ZFX: variants seen among roughly 807,000 people sequenced by gnomAD.
The protein encoded by ZFX is zinc finger protein X-linked, also known as zinc finger X-chromosomal protein.
For missense variants in ZFX, 362 were observed against 628.3 expected (o/e 0.58, Z 4.53); for synonymous variants, 196 against 226.8 (o/e 0.86, Z 1.22).
intron 4 of ZFX, among the ~76,000 whole-genome samples, chrX:24,175,156 G>C (rs1935010736): frequency 8.9e-6 from 1 of 112,449 alleles, no homozygotes; most frequent in African/African-American, 3.2e-5. Flanking sequence ...TGAAATATAA[G>C]TAATATACTT....
chrX:24,162,015 C>G (rs1360852560), intron 3 of ZFX, among the ~76,000 whole-genome samples: 4 of 100,323 alleles, frequency 4.0e-5, no homozygotes, highest in African/African-American at 1.5e-4. Context: ...GTAACATATT[C>G]AAGAGCAAGA....
chrX:24,194,451 A>C (rs763736998), intron 5 of ZFX, among the ~76,000 whole-genome samples: 1 of 111,442 alleles, frequency 9.0e-6, no homozygotes, highest in Non-Finnish European at 1.9e-5. Context: ...CATTAGGTTT[A>C]TTGGCATGTC....
At chrX:24,170,353 C>T (rs775381527) in intron 3 of ZFX, among the ~76,000 whole-genome samples, 2 of 108,816 alleles carry the variant, frequency 1.8e-5, no homozygotes, top group South Asian at 4.0e-4. Flanking sequence ...AATGGGGTTG[C>T]GCCATGTTGG....
chrX:24,158,610 T>C (rs1932936101), intron 3 of ZFX, among the ~76,000 whole-genome samples: 1 of 111,149 alleles, frequency 9.0e-6, no homozygotes, highest in Non-Finnish European at 1.9e-5. Context: ...AGTGGGCTTT[T>C]TTGAGAGGGG....
At chrX:24,157,247 T>C (rs1312638381) in intron 3 of ZFX, among the ~76,000 whole-genome samples, 2 of 112,346 alleles carry the variant, frequency 1.8e-5, no homozygotes, top group South Asian at 3.7e-4. Context: ...TCATTGTGAA[T>C]AGGATTTTCT....
chrX:24,192,621 T>G (rs768342530), intron 5 of ZFX, among the ~76,000 whole-genome samples: 1 of 111,899 alleles, frequency 8.9e-6, no homozygotes, highest in South Asian at 3.8e-4. Context: ...TGTTAAGATT[T>G]TGAAGCCTGG....
rs931261319 is a variant in ZFX, at chrX:24,194,745, A to T, written c.647-12581A>T. 2.4e-4 allele frequency among the ~76,000 whole-genome samples: 25 copies of T among 103,309 alleles called. No homozygotes were observed. In the South Asian group the frequency reaches 4.1e-3, roughly 17 times the overall value. The allele number at this position is 103,309 out of a possible 115,157, so 89.7% of individuals were successfully genotyped here. A position where few individuals can be genotyped will look rare whatever the true frequency, so the allele number is the denominator to read the frequency against. ...TTATATCAATTAGCCTACAGTAAAA[A>T]ATTTTTTTTTTTTTTTTTTGAGGCA... On this transcript the variant is annotated intron_variant, in intron 5 of 9. Transcript: ENST00000304543.
rs767336920 is a variant in ZFX at position 24,211,805 on chromosome X, G to C, written c.*429G>C. ...CATTTCTCACAATAAAATTGTCAGAGACATCTACTAATATAAATGGGAGAT... is the reference window on the plus strand; with the variant it reads ...CATTTCTCACAATAAAATTGTCAGACACATCTACTAATATAAATGGGAGAT... On this transcript the variant is annotated 3_prime_UTR_variant, in exon 10 of 10. Transcript: ENST00000304543. The C allele has an allele frequency of 2.4e-4, 29 of 119,870 alleles. No homozygotes were observed. Among genetic ancestry groups the C allele is most frequent in the African/African-American group, 8.7e-4 (27 of 30,874 alleles). The allele number at this position is 119,870 out of a possible 1,213,427, so 9.9% of individuals were successfully genotyped here.
intron 5 of ZFX, 77 bp from the exon 6 acceptor site, chrX:24,207,249 T>A (rs1189060071): frequency 4.9e-6 from 5 of 1,015,567 alleles, no homozygotes; most frequent in Admixed American, 3.6e-5. Context: ...AAAAAAATTT[T>A]TTTTTTTTTT....
chrX:24,210,740 T>A lies in ZFX; in HGVS notation c.1782T>A (p.His594Gln), dbSNP rs760993473. 1 of 1,211,787 alleles carries A rather than the reference T, an allele frequency of 8.3e-7. No homozygotes were observed. Among genetic ancestry groups the A allele is most frequent in the East Asian group, 3.0e-5 (1 of 33,848 alleles). The change falls in exon 10 of 10, where the codon CAT becomes CAA. Residue 594 changes from histidine (H) to glutamine (Q), a missense_variant. His to Gln is a conservative substitution (Grantham distance 24). Transcript: ENST00000304543. ...CAGACTCTTCTAACTTGAAAACGCA[T>A]GTCAAAACTAAGCATAGTAAAGAGA... ...RSADSSNLKT[H>Q]VKTKHSKEMP...
chrX:24,166,165 A>G (rs1933978793), intron 3 of ZFX, among the ~76,000 whole-genome samples: 1 of 112,796 alleles, frequency 8.9e-6, no homozygotes, highest in African/African-American at 3.2e-5. Context: ...TAATCTGAGC[A>G]GGAATAGAAG....
At chrX:24,171,116 A>C (rs1335555408) in intron 3 of ZFX, among the ~76,000 whole-genome samples, 1 of 111,800 alleles carries the variant, frequency 8.9e-6, no homozygotes, top group East Asian at 2.8e-4. Flanking sequence ...TAGTATCTGT[A>C]AGTAAGACAT....
In ZFX at chrX:24,178,662, A is replaced by G. The variant is rs1168882341; in HGVS notation, c.59-521A>G. Among the ~76,000 whole-genome samples the G allele has an allele frequency of 3.3e-4, 36 of 109,716 alleles. 1 individual carries two copies. Among genetic ancestry groups the G allele is most frequent in the Non-Finnish European group, 1.3e-4 (7 of 52,640 alleles). On this transcript the variant is annotated intron_variant, in intron 4 of 9. Coordinates refer to ENST00000304543, the MANE Select transcript of ZFX (RefSeq NM_003410.4). ...AGCAGCGCCACCTTGGCTCACTGCA[A>G]TGTCCGCCTCCCTGGTTCAAGCAGT...
At chrX:24,200,956 T>A (rs2147955089) in intron 5 of ZFX, among the ~76,000 whole-genome samples, 1 of 112,639 alleles carries the variant, frequency 8.9e-6, no homozygotes, top group African/African-American at 3.2e-5. Context: ...GAAATTATGC[T>A]CTTCTATTTT....
At chrX:24,168,671 CTTT>C (rs141296315) in intron 3 of ZFX, among the ~76,000 whole-genome samples, 2,751 of 83,176 alleles carry the variant, frequency 0.033, 35 homozygotes, top group African/African-American at 0.039. Flanking sequence ...TTCTTTCTTT[CTTT>C]TTTTTTTTTT....
chrX:24,175,574 G>GT (rs11463754), intron 4 of ZFX: 44,722 of 106,574 alleles, frequency 0.42, 7,150 homozygotes, highest in South Asian at 0.77. Flanking sequence ...TTAGATTTTG[G>GT]TTTTTTTTTG....
intron 3 of ZFX, among the ~76,000 whole-genome samples, chrX:24,170,608 A>ATTTTTTTTTTTTTTT (rs1217226048): frequency 4.7e-5 from 4 of 85,954 alleles, no homozygotes; most frequent in Non-Finnish European, 4.6e-5. Context: ...TTTTTCTTTA[A>ATTTTTTTTTTTTTTT]TTTTTTTTTT....
At chrX:24,166,162 A>G (rs1933977967) in intron 3 of ZFX, among the ~76,000 whole-genome samples, 1 of 112,677 alleles carries the variant, frequency 8.9e-6, no homozygotes, top group East Asian at 2.8e-4. Flanking sequence ...TCTTAATCTG[A>G]GCAGGAATAG....
At chrX:24,173,009 C>T in intron 4 of ZFX, 1 of 311,155 alleles carries the variant, frequency 3.2e-6, no homozygotes, top group Non-Finnish European at 5.6e-6. Context: ...TCAGTAACAG[C>T]AGCAATATCA....
Sources: allele counts gnomAD v4.1 joint callset (sites outside exome capture counted in the v4.1 genomes callset), GRCh38; gene constraint gnomAD v4.1.1; transcripts MANE v1.5; gene names NCBI Gene and HGNC (gene_info 2026-07-23, HGNC 2026-07-21).